Variants in NEGR1 observed in about 807,000 individuals in gnomAD.
NEGR1 encodes IgLON family member 4.
In NEGR1, 10 loss-of-function variants were observed where a neutral mutation model predicts 40.9. The ratio of observed to expected loss-of-function variants is 0.24; its 90% CI spans 0.15 to 0.42. The LOEUF is 0.42. NEGR1 is among the 10% of genes least tolerant of loss of function. The pLI is 1.00. For synonymous variants in NEGR1, 185 were observed against 166.8 expected (o/e 1.11, Z -0.84); for missense variants, 352 against 438.9 (o/e 0.80, Z 1.77).
chr1:72,221,066 G>A (rs1653997463), intron 1 of NEGR1, among the ~76,000 whole-genome samples: 1 of 151,972 alleles, frequency 6.6e-6, no homozygotes, highest in Non-Finnish European at 1.5e-5. Context: ...TGTCAGCATG[G>A]TTGGTTCTTT....
chr1:71,988,383 C>CA lies in NEGR1; in HGVS notation c.177-53073dup, dbSNP rs149077106. 2.6e-5 allele frequency among the ~76,000 whole-genome samples: 4 copies of CA among 151,470 alleles called. No individual in the cohort carries two copies. In the East Asian group the frequency reaches 7.8e-4, roughly 29 times the overall value. On this transcript the variant is annotated intron_variant, in intron 1 of 6. Coordinates refer to ENST00000357731, the MANE Select transcript of NEGR1 (RefSeq NM_173808.3). ...TGAAACCCCGTCTCTACTAAAAATA[C>CA]AAAAAATTAGCCGGGCGCGGTGGCG...
At chr1:71,592,518 C>T (rs562104267) in intron 6 of NEGR1, among the ~76,000 whole-genome samples, 2 of 152,302 alleles carry the variant, frequency 1.3e-5, no homozygotes, top group African/African-American at 4.8e-5. Context: ...ACCAAATCTA[C>T]TGACTTCAGC....
At chr1:71,801,215 C>G (rs1657543674) in intron 2 of NEGR1, among the ~76,000 whole-genome samples, 1 of 152,194 alleles carries the variant, frequency 6.6e-6, no homozygotes, top group African/African-American at 2.4e-5. Flanking sequence ...CTTTGCCAGT[C>G]AGCTCTGATG....
intron 1 of NEGR1, among the ~76,000 whole-genome samples, chr1:72,221,277 C>T (rs1362812780): frequency 6.6e-6 from 1 of 152,034 alleles, no homozygotes; most frequent in East Asian, 1.9e-4. Flanking sequence ...TCCAGGACAA[C>T]CTTATCATAA....
intron 2 of NEGR1, among the ~76,000 whole-genome samples, chr1:71,895,859 T>C (rs574154831): frequency 6.6e-6 from 1 of 152,236 alleles, no homozygotes; most frequent in African/African-American, 2.4e-5. Context: ...TTTTTGAGAA[T>C]TTGGCCACAT....
chr1:71,912,938 T>C (rs913102631), intron 2 of NEGR1, among the ~76,000 whole-genome samples: 5 of 152,172 alleles, frequency 3.3e-5, no homozygotes. Context: ...TTATCTTTTA[T>C]CTGACATTTT....
At chr1:71,547,178 C>T (rs374887084) in intron 6 of NEGR1, among the ~76,000 whole-genome samples, 4 of 151,798 alleles carry the variant, frequency 2.6e-5, no homozygotes, top group African/African-American at 7.2e-5. Flanking sequence ...AAGAGGAAAA[C>T]TCTTTATGAA....
chr1:72,151,556 T>C (rs1216563504), intron 1 of NEGR1, among the ~76,000 whole-genome samples: 2 of 151,630 alleles, frequency 1.3e-5, no homozygotes, highest in African/African-American at 4.8e-5. Context: ...TTAAAGTTAA[T>C]GGTAAACACT....
chr1:72,282,366 C>T lies in NEGR1; in HGVS notation c.129G>A (p.Ala43=). The T allele has an allele frequency of 6.2e-7, 1 of 1,614,078 alleles. No individual in the cohort carries two copies. The change falls in exon 1 of 7, where the codon GCG becomes GCA. Residue 43 remains alanine (A), a synonymous_variant. Coordinates refer to ENST00000357731, the MANE Select transcript of NEGR1 (RefSeq NM_173808.3). ...TTCTGACCATCATGTTGTCCACGGC[C>T]GCCCAGGGGAAGTCCACACTCTGTC... The part of the protein sequence containing the change: ...PAGQSVDFPW[A]AVDNMMVRKG...
intron 2 of NEGR1, among the ~76,000 whole-genome samples, chr1:71,837,957 A>G (rs1434541750): frequency 6.6e-6 from 1 of 152,178 alleles, no homozygotes; most frequent in Non-Finnish European, 1.5e-5. Context: ...TATTAATGCC[A>G]GATCTAAGAC....
intron 1 of NEGR1, among the ~76,000 whole-genome samples, chr1:72,205,053 A>G (rs1288545848): frequency 1.3e-5 from 2 of 152,090 alleles, no homozygotes; most frequent in Non-Finnish European, 2.9e-5. Context: ...GGTATGAAAA[A>G]CTGTATTACA....
chr1:71,869,942 T>C (rs965291070), intron 2 of NEGR1, among the ~76,000 whole-genome samples: 1 of 151,222 alleles, frequency 6.6e-6, no homozygotes, highest in Non-Finnish European at 1.5e-5. Context: ...TGCAGTGGCA[T>C]GACTTTGGCT....
At chr1:71,415,553 T>A (rs1037248845) in intron 6 of NEGR1, among the ~76,000 whole-genome samples, 2 of 152,122 alleles carry the variant, frequency 1.3e-5, no homozygotes, top group Admixed American at 6.6e-5. Flanking sequence ...TATAGCCAGA[T>A]GAAACTCTCC....
chr1:71,667,753 G>A (rs1003983700), intron 4 of NEGR1, among the ~76,000 whole-genome samples: 21 of 152,062 alleles, frequency 1.4e-4, no homozygotes, highest in African/African-American at 3.9e-4. Context: ...CTTGACTATC[G>A]GGTTCAAATC....
intron 1 of NEGR1, among the ~76,000 whole-genome samples, chr1:71,977,838 A>G (rs1646320256): frequency 6.6e-6 from 1 of 151,724 alleles, no homozygotes; most frequent in Non-Finnish European, 1.5e-5. Context: ...AAAAAAGTAA[A>G]AGAAAGAAAA....
intron 1 of NEGR1, among the ~76,000 whole-genome samples, chr1:72,085,752 C>T (rs1431526918): frequency 6.6e-6 from 1 of 151,828 alleles, no homozygotes; most frequent in African/African-American, 2.4e-5. Flanking sequence ...GGTGGATCAC[C>T]TGAGGTTGGA....
chr1:72,209,788 C>A (rs1653533764), intron 1 of NEGR1, among the ~76,000 whole-genome samples: 1 of 151,754 alleles, frequency 6.6e-6, no homozygotes, highest in Non-Finnish European at 1.5e-5. Context: ...AACAAACGGA[C>A]AACTATGGTA....
intron 1 of NEGR1, among the ~76,000 whole-genome samples, chr1:72,086,218 A>T (rs893199797): frequency 9.2e-5 from 14 of 152,204 alleles, no homozygotes; most frequent in African/African-American, 3.4e-4. Flanking sequence ...ATCATGACTC[A>T]TTATTGACAA....
chr1:72,174,119 T>C (rs1289918472), intron 1 of NEGR1, among the ~76,000 whole-genome samples: 2 of 152,210 alleles, frequency 1.3e-5, no homozygotes, highest in African/African-American at 4.8e-5. Context: ...TATTTATGCT[T>C]TTAAATTTAC....
Sources: gnomAD v4.1 joint callset for allele counts (sites outside exome capture counted in the v4.1 genomes callset) on GRCh38, gnomAD v4.1.1 for gene constraint, MANE v1.5 for transcripts, NCBI Gene and HGNC (gene_info 2026-07-23, HGNC 2026-07-21) for gene names.